The following NDUFA5 variants were observed in gnomAD, a reference collection of about 807,000 sequenced individuals.
NDUFA5 encodes NADH:ubiquinone oxidoreductase subunit A5, also known as NADH dehydrogenase [ubiquinone] 1 alpha subcomplex subunit 5.
A neutral mutation model predicts 19.8 loss-of-function variants in NDUFA5; 11 were observed. The ratio of observed to expected loss-of-function variants is 0.56; its 90% CI spans 0.35 to 0.92. The LOEUF (loss-of-function observed/expected upper bound fraction) is 0.92, where lower values mean the gene tolerates loss of function less well. NDUFA5 is among the 40% of genes least tolerant of loss of function. NDUFA5 has a pLI of 0.01. For synonymous variants in NDUFA5, 47 were observed against 46.8 expected (o/e 1.00, Z -0.01); for missense variants, 109 against 134.2 (o/e 0.81, Z 0.93).
the NDUFA5 span, among the ~76,000 whole-genome samples, chr7:123,579,713 T>G: frequency 6.6e-6 from 1 of 152,058 alleles, no homozygotes; most frequent in African/African-American, 2.4e-5. Context: ...CTAACTCAAT[T>G]TTCACTAGGT....
chr7:123,543,705 T>C (rs530430532), intron 4 of NDUFA5, among the ~76,000 whole-genome samples: 1 of 152,090 alleles, frequency 6.6e-6, no homozygotes, highest in Non-Finnish European at 1.5e-5. Context: ...CTTAATTCCA[T>C]GAAAAATTGA....
At chr7:123,583,893 C>G in the NDUFA5 span, among the ~76,000 whole-genome samples, 1 of 151,978 alleles carries the variant, frequency 6.6e-6, no homozygotes, top group Non-Finnish European at 1.5e-5. Context: ...ATGGTCAGTT[C>G]TCTGTCCTCA....
chr7:123,570,969 T>A, the NDUFA5 span, among the ~76,000 whole-genome samples: 6 of 152,200 alleles, frequency 3.9e-5, no homozygotes, highest in Non-Finnish European at 5.9e-5. Context: ...ATGCCAATAT[T>A]TCCATCTGTA....
the NDUFA5 span, among the ~76,000 whole-genome samples, chr7:123,574,827 A>T: frequency 6.6e-6 from 1 of 152,086 alleles, no homozygotes; most frequent in Non-Finnish European, 1.5e-5. Context: ...AAGTAGTTCC[A>T]TGATTGTTTT....
intron 4 of NDUFA5, among the ~76,000 whole-genome samples, chr7:123,544,798 A>C (rs920538973): frequency 6.8e-6 from 1 of 147,038 alleles, no homozygotes; most frequent in African/African-American, 2.5e-5. Context: ...AAGAGTTATC[A>C]TTATTTTCCC....
At chr7:123,591,812 A>G in the NDUFA5 span, among the ~76,000 whole-genome samples, 1 of 152,234 alleles carries the variant, frequency 6.6e-6, no homozygotes, top group African/African-American at 2.4e-5. Context: ...TGCTGACCTC[A>G]TAAAATGAGT....
chr7:123,595,689 C>G, the NDUFA5 span, among the ~76,000 whole-genome samples: 26 of 152,206 alleles, frequency 1.7e-4, no homozygotes, highest in Non-Finnish European at 1.5e-5. Context: ...TTGTTAAATA[C>G]TGCACTGGTG....
chr7:123,557,100 G>A (rs541193409), intron 2 of NDUFA5: 4 of 600,186 alleles, frequency 6.7e-6, no homozygotes, highest in East Asian at 3.6e-5. Context: ...AAGGAGAAAA[G>A]ATGGAAAACG....
At chr7:123,564,762 T>G in the NDUFA5 span, among the ~76,000 whole-genome samples, 2 of 152,140 alleles carry the variant, frequency 1.3e-5, no homozygotes, top group South Asian at 4.1e-4. Flanking sequence ...ACTTAACGAT[T>G]GTTTGCCTTA....
the NDUFA5 span, among the ~76,000 whole-genome samples, chr7:123,599,102 C>T: frequency 6.6e-6 from 1 of 151,472 alleles, no homozygotes; most frequent in Non-Finnish European, 1.5e-5. Flanking sequence ...ACCCCAAGGC[C>T]AAAATAATGG....
At position 123,548,881 on chromosome 7, in the gene NDUFA5, T is replaced by C. The variant is rs546557395; in HGVS notation, c.183+1589A>G. On this transcript the variant is annotated intron_variant, in intron 3 of 4. Transcript: ENST00000355749. ...GACAGCACAGTTGGCCCTCAGGATCTGCATCTGTGGATTCAACTAAGAATG... is the reference window on the plus strand; with the variant it reads ...GACAGCACAGTTGGCCCTCAGGATCCGCATCTGTGGATTCAACTAAGAATG... Among the ~76,000 whole-genome samples the C allele has an allele frequency of 2.7e-4, 41 of 152,012 alleles. 1 individual carries two copies. The South Asian group carries it at 7.7e-3, about 28-fold the overall frequency.
At chr7:123,593,517 C>G in the NDUFA5 span, among the ~76,000 whole-genome samples, 1 of 152,138 alleles carries the variant, frequency 6.6e-6, no homozygotes, top group Non-Finnish European at 1.5e-5. Flanking sequence ...TTTTATTTCT[C>G]CTTCACTTAC....
At chr7:123,578,384 CCT>C in the NDUFA5 span, among the ~76,000 whole-genome samples, 1 of 151,740 alleles carries the variant, frequency 6.6e-6, no homozygotes, top group Non-Finnish European at 1.5e-5. Context: ...TTTGCCTTGG[CCT>C]AAACATCTGT....
the NDUFA5 span, among the ~76,000 whole-genome samples, chr7:123,563,635 G>A: frequency 6.6e-6 from 1 of 152,226 alleles, no homozygotes; most frequent in Admixed American, 6.5e-5. Context: ...GGTGCTAATA[G>A]ACTTGCTTGA....
the NDUFA5 span, among the ~76,000 whole-genome samples, chr7:123,564,960 C>T: frequency 6.6e-6 from 1 of 150,772 alleles, no homozygotes; most frequent in Admixed American, 6.6e-5. Context: ...TATAAACATA[C>T]ACACACACAT....
chr7:123,569,046 C>T, the NDUFA5 span, among the ~76,000 whole-genome samples: 1 of 152,130 alleles, frequency 6.6e-6, no homozygotes, highest in Admixed American at 6.5e-5. Flanking sequence ...GAATAAACTA[C>T]ATAACAACTA....
chr7:123,567,005 G>T, the NDUFA5 span: 1 of 152,132 alleles, frequency 6.6e-6, no homozygotes, highest in Admixed American at 6.5e-5. Flanking sequence ...GTGTTGATTT[G>T]TTGTAACCCT....
chr7:123,565,612 G>T, the NDUFA5 span, among the ~76,000 whole-genome samples: 1 of 152,198 alleles, frequency 6.6e-6, no homozygotes, highest in Admixed American at 6.5e-5. Context: ...CGGGTGCGGT[G>T]GCTCACGCCT....
intron 2 of NDUFA5, chr7:123,555,302 A>C (rs1437090222): frequency 6.6e-6 from 1 of 152,238 alleles, no homozygotes; most frequent in East Asian, 1.9e-4. Context: ...ACTGAAGGAG[A>C]AACAAGGCAG....
Sources: gnomAD v4.1 joint callset for allele counts (sites outside exome capture counted in the v4.1 genomes callset) on GRCh38, gnomAD v4.1.1 for gene constraint, MANE v1.5 for transcripts, NCBI Gene and HGNC (gene_info 2026-07-23, HGNC 2026-07-21) for gene names.